Variants in SEMA4B observed in about 807,000 individuals in gnomAD.
The protein encoded by SEMA4B is semaphorin-4B.
A neutral mutation model predicts 88.1 loss-of-function variants in SEMA4B; 55 were observed. That is an observed-to-expected ratio of 0.62 (90% CI 0.50 to 0.78). The LOEUF (loss-of-function observed/expected upper bound fraction) is 0.78. SEMA4B is among the 30% of genes least tolerant of loss of function. The pLI, the probability that SEMA4B is intolerant of heterozygous loss-of-function variation, is 0.00. For synonymous variants in SEMA4B, 525 were observed against 473.6 expected (o/e 1.11, Z -1.41); for missense variants, 1,062 against 1,111.9 (o/e 0.96, Z 0.64).
In SEMA4B at chr15:90,228,422, C is replaced by A; in HGVS notation, c.2293C>A (p.Leu765Met). Residue 765 changes from leucine (L) to methionine (M), a missense_variant, in exon 14 of 14, where the codon CTG becomes ATG. Coordinates refer to ENST00000411539, the MANE Select transcript of SEMA4B (RefSeq NM_198925.4). ...SVHPKTCPVVLPPETRPLNGL... is the reference protein window; with the variant it reads ...SVHPKTCPVVMPPETRPLNGL... Reference sequence around the variant, plus strand: ...GCACCCCAAGACCTGCCCTGTGGTGCTGCCCCCTGAGACCCGCCCACTCAA... The same window carrying A: ...GCACCCCAAGACCTGCCCTGTGGTGATGCCCCCTGAGACCCGCCCACTCAA... 6.2e-7 allele frequency: 1 copy of A among 1,606,012 alleles called. No individual in the cohort carries two copies. Among genetic ancestry groups the A allele is most frequent in the South Asian group, 1.1e-5 (1 of 89,816 alleles).
chr15:90,200,386 C>T, upstream of SEMA4B, among the ~76,000 whole-genome samples: 1 of 152,212 alleles, frequency 6.6e-6, no homozygotes, highest in Middle Eastern at 3.2e-3. Context: ...TTTCTGTAAT[C>T]CTGTGCACAC....
At chr15:90,218,772 C>T (rs1443170568) in intron 3 of SEMA4B, among the ~76,000 whole-genome samples, 2 of 152,098 alleles carry the variant, frequency 1.3e-5, no homozygotes, top group African/African-American at 2.4e-5. Flanking sequence ...GCCGAGATCT[C>T]GCCACTGCAC....
intron 1 of SEMA4B, among the ~76,000 whole-genome samples, chr15:90,213,619 T>C (rs1046102603): frequency 1.3e-5 from 2 of 152,236 alleles, no homozygotes; most frequent in African/African-American, 4.8e-5. Context: ...AGTTGCCACC[T>C]GGGACTGAGG....
rs746797266 is a variant in SEMA4B, at chr15:90,221,011, C to T, written c.513C>T (p.Asp171=). 1.7e-5 allele frequency: 28 copies of T among 1,609,920 alleles called. No individual in the cohort carries two copies. The highest frequency in any genetic ancestry group is 7.8e-5 in the South Asian group (7 of 89,982). The change falls in exon 5 of 14, where the codon GAC becomes GAT. Residue 171 remains aspartate, a synonymous_variant. Transcript: ENST00000411539. The part of the protein sequence containing the change: ...INMENFTLAR[D]EKGNVLLEDG... ...TGGAGAACTTCACCCTGGCAAGGGA[C>T]GAGAAGGGGAATGTCCTCCTGGAAG...
At position 90,201,642 on chromosome 15, in the gene SEMA4B, C is replaced by T. The variant is rs1302643383; in HGVS notation, c.64C>T (p.Arg22Trp). Residue 22 changes from arginine to tryptophan, a missense_variant, in exon 1 of 14, where the codon CGG becomes TGG. Transcript: ENST00000411539. ...CGCCCCATGGGGCGCGCTGCCGCCT[C>T]GGCCACCGCTGCTGCTGCTCCTGCT... is the stretch of plus-strand genomic sequence containing the variant. ...LAAPWGALPP[R>W]PPLLLLLLLL... is the part of the protein sequence containing the mutation. 3 of 1,517,028 alleles carry T rather than the reference C, an allele frequency of 2.0e-6. No homozygotes were observed. Among genetic ancestry groups the T allele is most frequent in the Non-Finnish European group, 1.8e-6 (2 of 1,140,114 alleles). 94.0% of individuals were successfully genotyped at this position (1,517,028 alleles called of 1,614,324 possible).
intron 1 of SEMA4B, among the ~76,000 whole-genome samples, chr15:90,194,781 T>G (rs569831791): frequency 2.0e-5 from 3 of 152,356 alleles, no homozygotes; most frequent in East Asian, 3.9e-4. Context: ...TCACCTATAT[T>G]GACCAGTTTT....
chr15:90,187,220 G>C (rs756737039), intron 1 of SEMA4B, among the ~76,000 whole-genome samples: 21 of 152,226 alleles, frequency 1.4e-4, no homozygotes, highest in Non-Finnish European at 2.1e-4. Context: ...AGCTAAGCAA[G>C]AAAACTGTTT....
upstream of SEMA4B, among the ~76,000 whole-genome samples, chr15:90,198,003 T>C (rs1163920991): frequency 6.6e-6 from 1 of 151,284 alleles, no homozygotes; most frequent in Non-Finnish European, 1.5e-5. Flanking sequence ...CTCGGCTCAC[T>C]GCAAGCTCCA....
In SEMA4B at chr15:90,227,949, A is replaced by G; in HGVS notation, c.1820A>G (p.Asn607Ser). The G allele has an allele frequency of 6.2e-7, 1 of 1,613,550 alleles. No homozygotes were observed. The highest frequency in any genetic ancestry group is 1.6e-4 in the Middle Eastern group (1 of 6,062). The part of the protein sequence containing the change: ...EQVQFQPNTV[N>S]TLACPLLSNL... ...GTCCAGTTCCAGCCCAACACAGTGA[A>G]CACTTTGGCCTGCCCGCTCCTCTCC... Residue 607 changes from asparagine (N) to serine (S), a missense_variant, in exon 14 of 14, where the codon AAC becomes AGC. Coordinates refer to ENST00000411539, the MANE Select transcript of SEMA4B (RefSeq NM_198925.4).
At chr15:90,209,605 C>T (rs746022675) in intron 1 of SEMA4B, among the ~76,000 whole-genome samples, 2 of 152,002 alleles carry the variant, frequency 1.3e-5, no homozygotes, top group Non-Finnish European at 2.9e-5. Context: ...AGACCCTCCT[C>T]ATCATCATCA....
At chr15:90,201,223 C>G (rs1960696781), upstream of SEMA4B, 1 of 786,388 alleles carries the variant, frequency 1.3e-6, no homozygotes. Flanking sequence ...CGGCAGCGCC[C>G]CGAGCTGCCG....
intron 1 of SEMA4B, among the ~76,000 whole-genome samples, chr15:90,204,755 A>ATT: frequency 6.6e-6 from 1 of 152,132 alleles, no homozygotes; most frequent in African/African-American, 2.4e-5. Flanking sequence ...GGGCCACCTT[A>ATT]TTTGGACACT....
intron 1 of SEMA4B, among the ~76,000 whole-genome samples, chr15:90,209,199 T>C (rs1961135541): frequency 2.0e-5 from 3 of 152,156 alleles, no homozygotes; most frequent in Non-Finnish European, 2.9e-5. Flanking sequence ...GACCAGTTGA[T>C]ACAAATATGA....
chr15:90,223,686 C>T lies in SEMA4B; in HGVS notation c.989C>T (p.Pro330Leu), dbSNP rs1212247400. Residue 330 changes from proline (P) to leucine (L), a missense_variant, in exon 8 of 14, where the codon CCC (proline) becomes CTC (leucine). By Grantham distance (98) the Pro-to-Leu change is moderately conservative. Coordinates refer to ENST00000411539, the MANE Select transcript of SEMA4B (RefSeq NM_198925.4). Reference protein sequence around the residue: ...NVLQDVFTLSPSPQDWRDTLF... With the variant: ...NVLQDVFTLSLSPQDWRDTLF... ...CTGCAGGATGTCTTCACGCTGAGCCCCAGCCCCCAGGACTGGCGTGACACC... is the reference window on the plus strand; with the variant it reads ...CTGCAGGATGTCTTCACGCTGAGCCTCAGCCCCCAGGACTGGCGTGACACC... The T allele has an allele frequency of 6.2e-7, 1 of 1,613,328 alleles. No individual in the cohort carries two copies. Among genetic ancestry groups the T allele is most frequent in the African/African-American group, 1.3e-5 (1 of 75,030 alleles).
At chr15:90,185,180 C>T (rs950382787) in intron 1 of SEMA4B, 16 of 623,994 alleles carry the variant, frequency 2.6e-5, no homozygotes, top group Non-Finnish European at 3.2e-5. Context: ...CCCTTGCACC[C>T]GCACCTCCCG....
chr15:90,219,787 C>T lies in SEMA4B; in HGVS notation c.385-6C>T, dbSNP rs1388624021. Reference sequence around the variant, plus strand: ...GGACTGATATCCCCTCGCTCCTTCCCCCCAGCGCGACTGTCAAAACTACAT... The same window carrying T: ...GGACTGATATCCCCTCGCTCCTTCCTCCCAGCGCGACTGTCAAAACTACAT... On this transcript the variant is annotated splice_polypyrimidine_tract_variant and splice_region_variant and intron_variant, in intron 3 of 13. Transcript: ENST00000411539. The T allele has an allele frequency of 6.2e-7, 1 of 1,611,504 alleles. No homozygotes were observed. Among genetic ancestry groups the T allele is most frequent in the South Asian group, 1.1e-5 (1 of 90,834 alleles).
chr15:90,219,780 T>A lies in SEMA4B; in HGVS notation c.385-13T>A, dbSNP rs753120390. The A allele has an allele frequency of 6.2e-7, 1 of 1,609,118 alleles. No homozygotes were observed. Among genetic ancestry groups the A allele is most frequent in the Non-Finnish European group, 8.5e-7 (1 of 1,176,748 alleles). The stretch of plus-strand genomic sequence containing the variant: ...GGGCGTGGGACTGATATCCCCTCGC[T>A]CCTTCCCCCCAGCGCGACTGTCAAA... On this transcript the variant is annotated splice_polypyrimidine_tract_variant and intron_variant, in intron 3 of 13. Coordinates refer to ENST00000411539, the MANE Select transcript of SEMA4B (RefSeq NM_198925.4).
chr15:90,212,643 T>TACAAACACACACACAC lies in SEMA4B; in HGVS notation c.158-4793_158-4792insAACACACACACACACA, dbSNP rs1555422626. On this transcript the variant is annotated intron_variant, in intron 1 of 13. Coordinates refer to ENST00000411539, the MANE Select transcript of SEMA4B (RefSeq NM_198925.4). This position sits in a 1 kb window ranked among gnomAD's most constrained non-coding sequence, Gnocchi z 4.0. ...CGTGGACAAGCCCTGCGGTACCGTG[T>TACAAACACACACACAC]ACACACACACACACACACACACACC... Among the ~76,000 whole-genome samples the TACAAACACACACACAC allele has an allele frequency of 6.7e-6, 1 of 149,930 alleles. No homozygotes were observed. Among genetic ancestry groups the TACAAACACACACACAC allele is most frequent in the African/African-American group, 2.4e-5 (1 of 40,842 alleles).
At chr15:90,227,443 TG>T in intron 12 of SEMA4B, 113 bp from the exon 13 acceptor site, 2 of 767,892 alleles carry the variant, frequency 2.6e-6, no homozygotes, top group South Asian at 1.7e-5. Context: ...CTCCTGTGGG[TG>T]GGGAATCAGC....
Sources: allele counts gnomAD v4.1 joint callset (sites outside exome capture counted in the v4.1 genomes callset), GRCh38; gene constraint gnomAD v4.1.1; non-coding constraint Gnocchi (gnomAD v3.1); transcripts MANE v1.5; gene names NCBI Gene and HGNC (gene_info 2026-07-23, HGNC 2026-07-21).